Variants in LRP2 observed in about 807,000 individuals in gnomAD.
The protein encoded by LRP2 is low-density lipoprotein receptor-related protein 2.
Under a neutral mutation model 531.0 loss-of-function variants are expected in LRP2, and 172 were observed. That is an observed-to-expected ratio of 0.32 (90% CI 0.29 to 0.37). The LOEUF (loss-of-function observed/expected upper bound fraction) is 0.37. Among genes scored for constraint, LRP2 ranks in the 10% least tolerant of loss-of-function variants. LRP2 has a pLI of 1.00. For missense variants in LRP2, 5,167 were observed against 5,868.3 expected, an observed-to-expected ratio of 0.88 and a Z score of 3.90; for synonymous variants, 1,992 against 2,027.6, an observed-to-expected ratio of 0.98 and a Z score of 0.47.
At chr2:169,150,101 A>G (rs1433616332) in intron 68 of LRP2, among the ~76,000 whole-genome samples, 1 of 152,194 alleles carries the variant, frequency 6.6e-6, no homozygotes, top group Non-Finnish European at 1.5e-5. Flanking sequence ...AGTATTTTTC[A>G]TATTTCATTG....
intron 47 of LRP2, among the ~76,000 whole-genome samples, chr2:169,193,356 G>A (rs1687894270): frequency 6.6e-6 from 1 of 151,070 alleles, no homozygotes; most frequent in South Asian, 2.1e-4. Context: ...GCTTGAGCCT[G>A]GAAGGTGGAG....
At chr2:169,264,954 C>T (rs1477365758) in intron 16 of LRP2, among the ~76,000 whole-genome samples, 1 of 152,004 alleles carries the variant, frequency 6.6e-6, no homozygotes, top group East Asian at 1.9e-4. Context: ...GAACTGAGTA[C>T]AGGAGGATTA....
intron 37 of LRP2, among the ~76,000 whole-genome samples, chr2:169,210,246 T>C (rs1366620912): frequency 2.0e-5 from 3 of 152,104 alleles, no homozygotes; most frequent in Non-Finnish European, 4.4e-5. Context: ...TAAAAGGTGC[T>C]TGGGAGCCAA....
chr2:169,279,244 G>A (rs1473489354), intron 12 of LRP2, 128 bp downstream of exon 12: 2 of 715,480 alleles, frequency 2.8e-6, no homozygotes, highest in East Asian at 2.7e-5. Context: ...AAATAGACAT[G>A]GCTTCTAGAG....
At chr2:169,361,439 A>G (rs569423214) in intron 1 of LRP2, among the ~76,000 whole-genome samples, 1 of 136,822 alleles carries the variant, frequency 7.3e-6, no homozygotes, top group East Asian at 2.1e-4. Flanking sequence ...CTCCCGCCCC[A>G]GTCGTTCTCT....
chr2:169,202,667 A>T, intron 43 of LRP2, 89 bp downstream of exon 43: 1 of 1,349,108 alleles, frequency 7.4e-7, no homozygotes, highest in Non-Finnish European at 1.1e-6. Context: ...CACATTTCAA[A>T]CACATTCACA....
intron 64 of LRP2, 133 bp downstream of exon 64, chr2:169,157,238 A>G: frequency 1.0e-6 from 1 of 957,146 alleles, no homozygotes; most frequent in Non-Finnish European, 1.5e-6. Flanking sequence ...TAGTTTAATG[A>G]CCTAGAACCA....
At chr2:169,290,717 G>A in intron 8 of LRP2, 128 bp downstream of exon 8, 2 of 1,003,170 alleles carry the variant, frequency 2.0e-6, no homozygotes, top group Non-Finnish European at 3.0e-6. Context: ...ACGTTTCTCA[G>A]TTTATGCCAC....
chr2:169,313,840 A>G (rs566788682), intron 3 of LRP2, among the ~76,000 whole-genome samples: 1 of 152,172 alleles, frequency 6.6e-6, no homozygotes, highest in East Asian at 1.9e-4. Flanking sequence ...TCCTCTCCCA[A>G]AGCGCTAGGA....
chr2:169,284,254 T>TTC (rs555891947), intron 9 of LRP2, among the ~76,000 whole-genome samples: 1,006 of 55,208 alleles, frequency 0.018, 176 homozygotes, highest in African/African-American at 0.036. Flanking sequence ...TTTCTTTTTT[T>TTC]TCTTTTTTTT....
chr2:169,241,178 G>A lies in LRP2; in HGVS notation c.3855C>T (p.His1285=). Reference sequence around the variant, plus strand: ...TGTCCCGATCACAGAGCCATGCCCTGTGGATGCAGTTTCCGTTGTCACAGT... The same window carrying A: ...TGTCCCGATCACAGAGCCATGCCCTATGGATGCAGTTTCCGTTGTCACAGT... ...YFHCDNGNCI[H]RAWLCDRDND... is the part of the protein sequence containing the mutation. Residue 1285 remains histidine, a synonymous_variant, in exon 25 of 79, where the codon CAC becomes CAT. Transcript: ENST00000649046. 6.2e-7 allele frequency: 1 copy of A among 1,614,188 alleles called. No homozygotes were observed. Among genetic ancestry groups the A allele is most frequent in the Non-Finnish European group, 8.5e-7 (1 of 1,180,044 alleles).
chr2:169,136,318 A>G (rs1030195519), intron 76 of LRP2, among the ~76,000 whole-genome samples: 1 of 148,882 alleles, frequency 6.7e-6, no homozygotes, highest in Non-Finnish European at 1.5e-5. Flanking sequence ...CCACCCCCCC[A>G]AAAATTTTTT....
chr2:169,169,189 CTCCA>C (rs1489675675), intron 60 of LRP2, among the ~76,000 whole-genome samples: 1 of 152,184 alleles, frequency 6.6e-6, no homozygotes, highest in Middle Eastern at 3.2e-3. Context: ...ACATAAGAAA[CTCCA>C]TTTTGATCTC....
chr2:169,181,203 A>G (rs1246697901), intron 52 of LRP2, among the ~76,000 whole-genome samples: 3 of 152,204 alleles, frequency 2.0e-5, no homozygotes, highest in Non-Finnish European at 4.4e-5. Context: ...TTCTAGATAA[A>G]AAAACAATAA....
At chr2:169,198,665 T>C in intron 45 of LRP2, 121 bp downstream of exon 45, 1 of 1,194,422 alleles carries the variant, frequency 8.4e-7, no homozygotes, top group South Asian at 1.2e-5. Flanking sequence ...CACCTCTACT[T>C]AGAAGGTCAA....
intron 37 of LRP2, among the ~76,000 whole-genome samples, chr2:169,211,024 C>G (rs1327895518): frequency 6.6e-6 from 1 of 151,834 alleles, no homozygotes; most frequent in Non-Finnish European, 1.5e-5. Context: ...TAATGAAAAG[C>G]TGGGAGAAAA....
intron 38 of LRP2, among the ~76,000 whole-genome samples, chr2:169,208,966 T>A (rs1486277645): frequency 1.3e-5 from 2 of 152,170 alleles, no homozygotes; most frequent in African/African-American, 4.8e-5. Flanking sequence ...ACCAGGCATT[T>A]AAAAAAATTA....
Position 169,188,191 on chromosome 2 carries a change from T to C in LRP2, c.9107A>G (p.Gln3036Arg). The change falls in exon 49 of 79, where the codon CAG (glutamine) becomes CGG (arginine). Residue 3036 changes from glutamine to arginine, a missense_variant. Transcript: ENST00000649046. ...GCLYQTCQQN[Q>R]FTCQNGRCIS... Reference sequence around the variant, plus strand: ...GCAGCGCCCGTTCTGACAGGTAAACTGATTCTGTTGGCAAGTCTGGTATAA... The same window carrying C: ...GCAGCGCCCGTTCTGACAGGTAAACCGATTCTGTTGGCAAGTCTGGTATAA... 4 of 1,614,176 alleles carry C rather than the reference T, an allele frequency of 2.5e-6. No individual in the cohort carries two copies. Among genetic ancestry groups the C allele is most frequent in the African/African-American group, 1.3e-5 (1 of 75,048 alleles).
intron 3 of LRP2, among the ~76,000 whole-genome samples, chr2:169,311,499 G>A: frequency 6.6e-6 from 1 of 152,222 alleles, no homozygotes; most frequent in Non-Finnish European, 1.5e-5. Context: ...TTTCCATGTA[G>A]TTGAGCGGTT....
Sources: gnomAD v4.1 joint callset for allele counts (sites outside exome capture counted in the v4.1 genomes callset) on GRCh38, gnomAD v4.1.1 for gene constraint, MANE v1.5 for transcripts, NCBI Gene and HGNC (gene_info 2026-07-23, HGNC 2026-07-21) for gene names.